MIS18A: variants seen among roughly 807,000 people sequenced by gnomAD.
The protein encoded by MIS18A is MIS18 kinetochore protein A.
A neutral mutation model predicts 25.0 loss-of-function variants in MIS18A; 14 were observed. The ratio of observed to expected loss-of-function variants is 0.56; its 90% CI spans 0.37 to 0.88. The LOEUF (loss-of-function observed/expected upper bound fraction) is 0.88. MIS18A is among the 40% of genes least tolerant of loss of function. The pLI, the probability that MIS18A is intolerant of heterozygous loss-of-function variation, is 0.00. For missense variants in MIS18A, 292 were observed against 290.8 expected (o/e 1.00, Z -0.03); for synonymous variants, 134 against 118.6 (o/e 1.13, Z -0.84).
the MIS18A span, among the ~76,000 whole-genome samples, chr21:32,229,757 T>C: frequency 6.6e-6 from 1 of 152,256 alleles, no homozygotes; most frequent in East Asian, 1.9e-4. Context: ...CGGATCAATA[T>C]GTATTTAATC....
intron 1 of MIS18A, among the ~76,000 whole-genome samples, chr21:32,277,514 G>A (rs2031837524): frequency 6.6e-6 from 1 of 152,086 alleles, no homozygotes; most frequent in Non-Finnish European, 1.5e-5. Flanking sequence ...GTGCAGTGGC[G>A]CAATCTCGGC....
At chr21:32,184,712 G>A in the MIS18A span, among the ~76,000 whole-genome samples, 8 of 152,122 alleles carry the variant, frequency 5.3e-5, 1 homozygote, top group South Asian at 1.5e-3. Flanking sequence ...ACAAATGCGC[G>A]CTCATCCCCG....
At chr21:32,198,911 A>C in the MIS18A span, among the ~76,000 whole-genome samples, 1 of 152,112 alleles carries the variant, frequency 6.6e-6, no homozygotes, top group Non-Finnish European at 1.5e-5. Context: ...CTGTCTAAAA[A>C]AAAAAAAAAA....
the MIS18A span, among the ~76,000 whole-genome samples, chr21:32,200,241 C>T: frequency 2.0e-5 from 3 of 152,102 alleles, no homozygotes; most frequent in African/African-American, 4.8e-5. Flanking sequence ...CAAAAACAGG[C>T]GCTGGGTCCA....
At chr21:32,209,748 A>G in the MIS18A span, among the ~76,000 whole-genome samples, 1 of 152,066 alleles carries the variant, frequency 6.6e-6, no homozygotes, top group Non-Finnish European at 1.5e-5. Context: ...GTGAGTTCTC[A>G]TGAGATCCGA....
chr21:32,212,952 T>A, the MIS18A span, among the ~76,000 whole-genome samples: 1 of 152,202 alleles, frequency 6.6e-6, no homozygotes, highest in Non-Finnish European at 1.5e-5. Context: ...TTACCCAGTC[T>A]CGGGTATATC....
At chr21:32,159,344 A>G in the MIS18A span, among the ~76,000 whole-genome samples, 5 of 152,312 alleles carry the variant, frequency 3.3e-5, no homozygotes, top group South Asian at 6.2e-4. Flanking sequence ...ATAGCTGTGA[A>G]TTTCAGGTAT....
the MIS18A span, among the ~76,000 whole-genome samples, chr21:32,244,599 TG>T: frequency 6.6e-6 from 1 of 151,834 alleles, no homozygotes; most frequent in Non-Finnish European, 1.5e-5. Flanking sequence ...TAGCCAGGTG[TG>T]GGGGTGCATG....
At chr21:32,166,651 T>C in the MIS18A span, among the ~76,000 whole-genome samples, 1 of 152,164 alleles carries the variant, frequency 6.6e-6, no homozygotes, top group African/African-American at 2.4e-5. Context: ...TAATTATACA[T>C]GAGTCCATAC....
At chr21:32,213,282 G>T in the MIS18A span, among the ~76,000 whole-genome samples, 3 of 152,196 alleles carry the variant, frequency 2.0e-5, no homozygotes, top group Non-Finnish European at 4.4e-5. Context: ...CTAAATGGCT[G>T]ATTGTATGAA....
the MIS18A span, among the ~76,000 whole-genome samples, chr21:32,185,911 G>A: frequency 1.3e-5 from 2 of 152,100 alleles, no homozygotes; most frequent in African/African-American, 4.8e-5. Flanking sequence ...CTAGTGCAGG[G>A]GTCTCACCTG....
At chr21:32,179,340 G>A in the MIS18A span, among the ~76,000 whole-genome samples, 2 of 152,082 alleles carry the variant, frequency 1.3e-5, no homozygotes, top group Non-Finnish European at 2.9e-5. Context: ...GCTGTCTTTG[G>A]GAGAAGTCCC....
the MIS18A span, among the ~76,000 whole-genome samples, chr21:32,193,056 C>T: frequency 6.6e-6 from 1 of 152,200 alleles, no homozygotes; most frequent in African/African-American, 2.4e-5. Flanking sequence ...GGGAAGACAG[C>T]AAAGGTTCCA....
chr21:32,165,589 A>G, the MIS18A span, among the ~76,000 whole-genome samples: 2 of 151,330 alleles, frequency 1.3e-5, no homozygotes, highest in Admixed American at 6.6e-5. Context: ...CATGAACACC[A>G]GCTAAAAACT....
chr21:32,229,015 G>GT, the MIS18A span, among the ~76,000 whole-genome samples: 17 of 151,172 alleles, frequency 1.1e-4, no homozygotes, highest in South Asian at 2.1e-4. Context: ...AAGCAATCTA[G>GT]TTTTTTTTTC....
chr21:32,162,278 C>T, the MIS18A span, among the ~76,000 whole-genome samples: 9 of 152,136 alleles, frequency 5.9e-5, no homozygotes, highest in Non-Finnish European at 1.2e-4. Context: ...GCCTGCCCTA[C>T]GCACCCTCAC....
At chr21:32,220,965 G>GA in the MIS18A span, among the ~76,000 whole-genome samples, 22 of 152,086 alleles carry the variant, frequency 1.4e-4, no homozygotes, top group African/African-American at 5.1e-4. Flanking sequence ...AAGCCTCCAA[G>GA]AAATATGGGA....
At chr21:32,198,046 C>T in the MIS18A span, among the ~76,000 whole-genome samples, 3 of 152,182 alleles carry the variant, frequency 2.0e-5, no homozygotes, top group African/African-American at 4.8e-5. Context: ...AATATAAAAA[C>T]GGAGCCTAAT....
chr21:32,170,180 T>C, the MIS18A span, among the ~76,000 whole-genome samples: 11,604 of 151,818 alleles, frequency 0.076, 515 homozygotes, highest in Middle Eastern at 0.16. Flanking sequence ...CAAAGAAAAA[T>C]AAACTATTCT....
Sources: gnomAD v4.1 joint callset for allele counts (sites outside exome capture counted in the v4.1 genomes callset) on GRCh38, gnomAD v4.1.1 for gene constraint, MANE v1.5 for transcripts, NCBI Gene and HGNC (gene_info 2026-07-23, HGNC 2026-07-21) for gene names.